The following CADM3 variants were observed in gnomAD, a reference collection of about 807,000 sequenced individuals.
CADM3 encodes TSLC1-like 1.
Under a neutral mutation model 44.9 loss-of-function variants are expected in CADM3, and 11 were observed. The ratio of observed to expected loss-of-function variants is 0.25; its 90% CI spans 0.15 to 0.41. The LOEUF (loss-of-function observed/expected upper bound fraction) is 0.41, where lower values mean the gene tolerates loss of function less well. Among genes scored for constraint, CADM3 ranks in the 10% least tolerant of loss-of-function variants. The probability of loss-of-function intolerance (pLI) is 1.00; values close to 1 mark genes in which losing one functional copy is unlikely to be tolerated. For missense variants in CADM3, 426 were observed against 512.0 expected, an observed-to-expected ratio of 0.83 and a Z score of 1.62; for synonymous variants, 207 against 205.2, an observed-to-expected ratio of 1.01 and a Z score of -0.08.
chr1:159,200,514 GCAAGCA>G, intron 8 of CADM3, among the ~76,000 whole-genome samples: 1 of 83,602 alleles, frequency 1.2e-5, no homozygotes, highest in Non-Finnish European at 2.1e-5. Context: ...ACGCATGCGT[GCAAGCA>G]CACACACACA....
At chr1:159,180,090 A>G (rs1355204490) in intron 1 of CADM3, among the ~76,000 whole-genome samples, 1 of 152,106 alleles carries the variant, frequency 6.6e-6, no homozygotes, top group African/African-American at 2.4e-5. Flanking sequence ...TCAACCCTGG[A>G]GAGGAGAGGA....
Position 159,200,901 on chromosome 1 carries a change from C to A in CADM3, c.1176C>A (p.Asp392Glu). The change falls in exon 9 of 9, where the codon GAC becomes GAA. Residue 392 changes from aspartate (D) to glutamate (E), a missense_variant. Asp to Glu is a conservative substitution (Grantham distance 45). Coordinates refer to ENST00000368125, the MANE Select transcript of CADM3 (RefSeq NM_001127173.3). ...AAGGCGGGCAGTCAGGAGGGGACGA[C>A]AAGAAGGAATATTTCATCTAGAGGC... ...NAEGGQSGGD[D>E]KKEYFI 6.2e-7 allele frequency: 1 copy of A among 1,606,402 alleles called. No homozygotes were observed. Among genetic ancestry groups the A allele is most frequent in the East Asian group, 2.3e-5 (1 of 44,268 alleles).
intron 1 of CADM3, among the ~76,000 whole-genome samples, chr1:159,172,819 C>T (rs974027195): frequency 2.6e-5 from 4 of 152,006 alleles, no homozygotes; most frequent in African/African-American, 9.7e-5. Context: ...CCCCTCCCGC[C>T]CTGGGCCGGG....
intron 7 of CADM3, among the ~76,000 whole-genome samples, chr1:159,198,444 C>T (rs530786057): frequency 6.6e-6 from 1 of 152,248 alleles, no homozygotes; most frequent in African/African-American, 2.4e-5. Context: ...TACACCATCA[C>T]CTCCACCCCA....
chr1:159,177,212 C>G (rs1649054657), intron 1 of CADM3, among the ~76,000 whole-genome samples: 1 of 152,070 alleles, frequency 6.6e-6, no homozygotes, highest in Non-Finnish European at 1.5e-5. Context: ...ATCATGTTGA[C>G]AAACTGAGTC....
Position 159,171,859 on chromosome 1 carries a change from T to C in CADM3, c.88+6T>C. The C allele has an allele frequency of 8.1e-7, 1 of 1,238,772 alleles. No homozygotes were observed. Among genetic ancestry groups the C allele is most frequent in the Non-Finnish European group, 1.0e-6 (1 of 989,552 alleles). 76.7% of individuals were successfully genotyped at this position (1,238,772 alleles called of 1,614,324 possible). On this transcript the variant is annotated splice_donor_region_variant and intron_variant, in intron 1 of 8. Transcript: ENST00000368125. ...GGCCAACCTCTCCCAGGACGGTGAG[T>C]GAGGGAGGGGGCGGCGCCTGGGGAG...
At chr1:159,174,559 CTT>C (rs1483894865) in intron 1 of CADM3, among the ~76,000 whole-genome samples, 7 of 152,178 alleles carry the variant, frequency 4.6e-5, no homozygotes, top group African/African-American at 1.4e-4. Flanking sequence ...GGAAAACAAA[CTT>C]AATGTGCTGC....
chr1:159,187,720 T>G (rs1357875478), intron 1 of CADM3, among the ~76,000 whole-genome samples: 1 of 152,186 alleles, frequency 6.6e-6, no homozygotes, highest in Admixed American at 6.5e-5. Flanking sequence ...GTCCCACACC[T>G]TGGCACAACC....
chr1:159,200,553 C>T lies in CADM3; in HGVS notation c.1079-251C>T, dbSNP rs115936758. Among the ~76,000 whole-genome samples the T allele has an allele frequency of 0.069, 7,990 of 116,210 alleles. 315 individuals carry two copies. The highest frequency in any genetic ancestry group is 0.11 in the Non-Finnish European group (5,443 of 49,930). The allele number at this position is 116,210 out of a possible 152,430, so 76.2% of individuals were successfully genotyped here. A position where few individuals can be genotyped will look rare whatever the true frequency, so the allele number is the denominator to read the frequency against. On this transcript the variant is annotated intron_variant, in intron 8 of 8. Transcript: ENST00000368125. ...ACACACACACACACACACACACACA[C>T]ACTTCTCTTTCTTGCTTTGTATTAT... is the stretch of plus-strand genomic sequence containing the variant.
chr1:159,178,212 G>C (rs146723888), intron 1 of CADM3, among the ~76,000 whole-genome samples: 60 of 152,298 alleles, frequency 3.9e-4, no homozygotes, highest in Non-Finnish European at 2.2e-4. Context: ...GCAATTGATT[G>C]AATCTATGGA....
In CADM3 at chr1:159,192,682, A is replaced by G. The variant is rs200275600; in HGVS notation, c.334A>G (p.Ile112Val). Residue 112 changes from isoleucine (I) to valine (V), a missense_variant, in exon 3 of 9, where the codon ATC becomes GTC. This residue lies in a region of CADM3 where 362 missense variants were observed against 474.6 expected (regional missense o/e 0.76). Transcript: ENST00000368125. Reference protein sequence around the residue: ...LADEGEYTCSIFTMPVRTAKS... With the variant: ...LADEGEYTCSVFTMPVRTAKS... ...AGACGAGGGCGAGTACACCTGCTCA[A>G]TCTTCACTATGCCTGTGCGAACTGC... is the stretch of plus-strand genomic sequence containing the variant. 22 of 1,614,108 alleles carry G rather than the reference A, an allele frequency of 1.4e-5. No homozygotes were observed. Among genetic ancestry groups the G allele is most frequent in the East Asian group, 1.3e-4 (6 of 44,878 alleles).
intron 1 of CADM3, among the ~76,000 whole-genome samples, chr1:159,172,138 G>C (rs959856683): frequency 6.6e-6 from 1 of 152,090 alleles, no homozygotes; most frequent in African/African-American, 2.4e-5. Flanking sequence ...CCCGGGGTCT[G>C]GATGTGTTGC....
chr1:159,188,660 G>A (rs990649501), intron 1 of CADM3, among the ~76,000 whole-genome samples: 4 of 152,128 alleles, frequency 2.6e-5, no homozygotes, highest in Non-Finnish European at 5.9e-5. Flanking sequence ...GGGGCGCTGC[G>A]GCGGGAGACC....
At position 159,203,095 on chromosome 1, in the gene CADM3, T is replaced by C. The variant is rs907049056; in HGVS notation, c.*2173T>C. The stretch of plus-strand genomic sequence containing the variant: ...CTTTATAATCTTTCTAACTCTCCTG[T>C]GCTAATCTCAGAGGGGTCACCCTCA... On this transcript the variant is annotated 3_prime_UTR_variant, in exon 9 of 9. Coordinates refer to ENST00000368125, the MANE Select transcript of CADM3 (RefSeq NM_001127173.3). The C allele has an allele frequency of 4.6e-5, 7 of 152,190 alleles. No individual in the cohort carries two copies. The highest frequency in any genetic ancestry group is 1.7e-4 in the African/African-American group (7 of 41,376). The allele number at this position is 152,190 out of a possible 1,614,324, so 9.4% of individuals were successfully genotyped here.
chr1:159,175,070 G>C (rs993440560), intron 1 of CADM3, among the ~76,000 whole-genome samples: 2 of 152,190 alleles, frequency 1.3e-5, no homozygotes, highest in African/African-American at 4.8e-5. Context: ...GCCCAGTGAG[G>C]ACATCATGCC....
In CADM3 at chr1:159,200,944, G is replaced by GC. The variant is rs747230354; in HGVS notation, c.*28dup. The GC allele has an allele frequency of 1.3e-5, 20 of 1,555,672 alleles. No individual in the cohort carries two copies. Among genetic ancestry groups the GC allele is most frequent in the Admixed American group, 1.3e-4 (7 of 55,448 alleles). ...CTAGAGGCGCCTGCCCACTTCCTGC[G>GC]CCCCCCAGGGGCCCTGTGGGGACTG... On this transcript the variant is annotated 3_prime_UTR_variant, in exon 9 of 9. Transcript: ENST00000368125.
chr1:159,185,254 G>A (rs1023809189), intron 1 of CADM3, among the ~76,000 whole-genome samples: 2 of 152,184 alleles, frequency 1.3e-5, no homozygotes, highest in Admixed American at 6.5e-5. Context: ...CCACAGGACC[G>A]TCAACACCAC....
At chr1:159,183,415 C>A (rs1427115410) in intron 1 of CADM3, among the ~76,000 whole-genome samples, 1 of 152,028 alleles carries the variant, frequency 6.6e-6, no homozygotes, top group Non-Finnish European at 1.5e-5. Flanking sequence ...GGAGGAAAAA[C>A]CAGACAGCAA....
intron 1 of CADM3, among the ~76,000 whole-genome samples, chr1:159,175,968 C>G (rs1044304796): frequency 6.6e-6 from 1 of 152,198 alleles, no homozygotes; most frequent in Non-Finnish European, 1.5e-5. Flanking sequence ...ATATGTAAAA[C>G]AGGATCAAAA....
Sources: gnomAD v4.1 joint callset for allele counts (sites outside exome capture counted in the v4.1 genomes callset) on GRCh38, gnomAD v4.1.1 for gene constraint, gnomAD v4.1.1 regional missense constraint, MANE v1.5 for transcripts, NCBI Gene and HGNC (gene_info 2026-07-23, HGNC 2026-07-21) for gene names.